Variants in RAD54B observed in about 807,000 individuals in gnomAD.
RAD54B encodes RAD54 homolog B, also known as DNA repair and recombination protein RAD54B.
In RAD54B, 78 loss-of-function variants were observed where a neutral mutation model predicts 95.8. The observed-to-expected ratio is 0.81, with a 90% CI of 0.68 to 0.98. The LOEUF is 0.98. RAD54B is among the 50% of genes least tolerant of loss of function. RAD54B has a pLI of 0.00. For missense variants in RAD54B, 957 were observed against 1,056.6 expected (o/e 0.91, Z 1.31); for synonymous variants, 328 against 354.9 (o/e 0.92, Z 0.85).
intron 5 of RAD54B, among the ~76,000 whole-genome samples, chr8:94,406,029 T>C (rs28728024): frequency 0.075 from 4,263 of 57,138 alleles, 196 homozygotes; most frequent in African/African-American, 0.16. Context: ...CACACACACA[T>C]ATATATAAAA....
At chr8:94,407,383 A>T in intron 5 of RAD54B, 56 bp downstream of exon 5, 1 of 1,502,376 alleles carries the variant, frequency 6.7e-7, no homozygotes, top group Non-Finnish European at 9.0e-7. Flanking sequence ...AAATTCACAC[A>T]CAAAAAACAT....
Position 94,432,323 on chromosome 8 carries a change from C to A in RAD54B, c.305-21008G>T, listed in dbSNP as rs945609856. On this transcript the variant is annotated intron_variant, in intron 3 of 14. Coordinates refer to ENST00000336148, the MANE Select transcript of RAD54B (RefSeq NM_012415.3). ...TCTGATGCTCCTCTTTCAACATTTG[C>A]AGGATCTGAGGATCATACCCTAATA... 9.0e-6 allele frequency: 14 copies of A among 1,550,178 alleles called. No homozygotes were observed. In the African/African-American group the frequency reaches 1.9e-4, roughly 21 times the overall value.
intron 14 of RAD54B, among the ~76,000 whole-genome samples, chr8:94,375,899 T>C (rs1184665652): frequency 6.6e-6 from 1 of 151,978 alleles, no homozygotes. Context: ...GGCTAGAAAT[T>C]AGGGAGATAA....
rs1358502949 is a variant in RAD54B, at chr8:94,428,229, C to T, written c.305-16914G>A. 4 of 885,604 alleles carry T rather than the reference C, an allele frequency of 4.5e-6. No individual in the cohort carries two copies. In the African/African-American group the frequency reaches 7.3e-5, roughly 16 times the overall value. 54.9% of individuals were successfully genotyped at this position (885,604 alleles called of 1,614,324 possible). On this transcript the variant is annotated intron_variant, in intron 3 of 14. Transcript: ENST00000336148. Reference sequence around the variant, plus strand: ...CAAATGTAGTATATTTCTACAGAATCAAGTCTACATTTAAAAAACAAAATC... The same window carrying T: ...CAAATGTAGTATATTTCTACAGAATTAAGTCTACATTTAAAAAACAAAATC...
At chr8:94,402,971 G>A (rs528768498) in intron 6 of RAD54B, among the ~76,000 whole-genome samples, 1 of 152,242 alleles carries the variant, frequency 6.6e-6, no homozygotes, top group African/African-American at 2.4e-5. Flanking sequence ...TGAGAGAGAA[G>A]AAATCAAAGA....
At chr8:94,397,617 C>T (rs1401742671) in intron 8 of RAD54B, among the ~76,000 whole-genome samples, 1 of 151,988 alleles carries the variant, frequency 6.6e-6, no homozygotes, top group East Asian at 1.9e-4. Flanking sequence ...TTGAGTATAT[C>T]AATAAAATTA....
chr8:94,440,201 TA>T (rs140489175), intron 3 of RAD54B, among the ~76,000 whole-genome samples: 85 of 147,524 alleles, frequency 5.8e-4, no homozygotes, highest in Non-Finnish European at 6.2e-4. Flanking sequence ...TAGGCAAGAT[TA>T]AAAAAAAAAA....
At position 94,407,466 on chromosome 8, in the gene RAD54B, T is replaced by C. The variant is rs1458819891; in HGVS notation, c.754A>G (p.Lys252Glu). The change falls in exon 5 of 15, where the codon AAA becomes GAA. Residue 252 changes from lysine to glutamate, a missense_variant. Transcript: ENST00000336148. ...GGCGTATATGGGTCATGGCGTGGTT[T>C]GCAATTTTGGAAATCATTCTGTCTA... The part of the protein sequence containing the change: ...ENRQNDFQNC[K>E]PRHDPYTPNS... 2.5e-6 allele frequency: 4 copies of C among 1,613,660 alleles called. No individual in the cohort carries two copies. Among genetic ancestry groups the C allele is most frequent in the Admixed American group, 1.7e-5 (1 of 59,992 alleles).
chr8:94,391,839 TAA>T lies in RAD54B; in HGVS notation c.1577_1578del (p.Phe526TyrfsTer3). Reference protein sequence around the residue: ...AAELTCLTGLFILRRTQEIIN... With the variant: ...AAELTCLTGLXILRRTQEIIN... ...ATAATTTCTTGGGTTCTTCTAAGGA[TAA>T]AGAGTCCAGTGAGGCAAGTAAGTTC... On this transcript the variant is annotated frameshift_variant, in exon 10 of 15. Coordinates refer to ENST00000336148, the MANE Select transcript of RAD54B (RefSeq NM_012415.3). LOFTEE classifies it high-confidence loss of function. 2 of 1,613,878 alleles carry T rather than the reference TAA, an allele frequency of 1.2e-6. No individual in the cohort carries two copies. Among genetic ancestry groups the T allele is most frequent in the Non-Finnish European group, 1.7e-6 (2 of 1,179,942 alleles).
rs2129973598 is a variant in RAD54B at position 94,387,064 on chromosome 8, C to T, written c.1905G>A (p.Leu635=). The T allele has an allele frequency of 6.2e-7, 1 of 1,613,354 alleles. No individual in the cohort carries two copies. The highest frequency in any genetic ancestry group is 1.7e-5 in the Admixed American group (1 of 59,946). The change falls in exon 11 of 15, where the codon CTG becomes CTA. Residue 635 remains leucine (L), a synonymous_variant. Coordinates refer to ENST00000336148, the MANE Select transcript of RAD54B (RefSeq NM_012415.3). ...SVFPADYNPL[L]FTEKESGKLQ... is the part of the protein sequence containing the mutation. ...GTTTTCCTGACTCCTTTTCAGTAAA[C>T]AGGAGAGGGTTGTAGTCAGCAGGAA...
At chr8:94,468,601 G>A (rs1460455233) in intron 1 of RAD54B, among the ~76,000 whole-genome samples, 5 of 151,886 alleles carry the variant, frequency 3.3e-5, no homozygotes, top group East Asian at 1.9e-4. Context: ...CGAGGCGGGC[G>A]GATCACGAGG....
intron 8 of RAD54B, among the ~76,000 whole-genome samples, chr8:94,398,713 G>C (rs1811200259): frequency 6.6e-6 from 1 of 151,896 alleles, no homozygotes; most frequent in African/African-American, 2.4e-5. Flanking sequence ...AAGTGGAAGG[G>C]CCATACAAGA....
At position 94,391,826 on chromosome 8, in the gene RAD54B, G is replaced by A. The variant is rs1180211377; in HGVS notation, c.1592C>T (p.Thr531Ile). ...GAGATATTTATTTATAATTTCTTGG[G>A]TTCTTCTAAGGATAAAGAGTCCAGT... The part of the protein sequence containing the change: ...CLTGLFILRR[T>I]QEIINKYLPP... The change falls in exon 10 of 15, where the codon ACC becomes ATC. Residue 531 changes from threonine (T) to isoleucine (I), a missense_variant. Transcript: ENST00000336148. 6.2e-7 allele frequency: 1 copy of A among 1,613,846 alleles called. No homozygotes were observed. The highest frequency in any genetic ancestry group is 1.1e-5 in the South Asian group (1 of 91,006).
At chr8:94,440,081 G>A (rs1812364554) in intron 3 of RAD54B, among the ~76,000 whole-genome samples, 1 of 151,970 alleles carries the variant, frequency 6.6e-6, no homozygotes, top group Admixed American at 6.6e-5. Flanking sequence ...TCCATGTTAT[G>A]CCAGAGTCAG....
intron 3 of RAD54B, among the ~76,000 whole-genome samples, chr8:94,440,737 A>T (rs1812378190): frequency 6.6e-6 from 1 of 152,160 alleles, no homozygotes; most frequent in South Asian, 2.1e-4. Context: ...AGTGGAGAGG[A>T]GCCGGGTATC....
At chr8:94,421,958 G>A (rs1041655417) in intron 3 of RAD54B, among the ~76,000 whole-genome samples, 4 of 152,172 alleles carry the variant, frequency 2.6e-5, no homozygotes, top group Admixed American at 2.6e-4. Context: ...TAAAATCCAT[G>A]AGTCCTAGTA....
chr8:94,472,067 T>C (rs1222554330), intron 1 of RAD54B, among the ~76,000 whole-genome samples: 2 of 152,134 alleles, frequency 1.3e-5, no homozygotes, highest in Non-Finnish European at 2.9e-5. Flanking sequence ...AACCAGCCTT[T>C]ATATAGTTTG....
At chr8:94,395,702 G>C (rs1214188202) in intron 8 of RAD54B, among the ~76,000 whole-genome samples, 1 of 152,110 alleles carries the variant, frequency 6.6e-6, no homozygotes, top group Non-Finnish European at 1.5e-5. Context: ...GGGCTTTGAG[G>C]AAAGTCCCTC....
At chr8:94,459,107 G>A (rs1051764952) in intron 2 of RAD54B, among the ~76,000 whole-genome samples, 1 of 151,646 alleles carries the variant, frequency 6.6e-6, no homozygotes, top group African/African-American at 2.4e-5. Flanking sequence ...ATATTTTTAG[G>A]TGAGATAATG....
Sources: gnomAD v4.1 joint callset for allele counts (sites outside exome capture counted in the v4.1 genomes callset) on GRCh38, gnomAD v4.1.1 for gene constraint, MANE v1.5 for transcripts, NCBI Gene and HGNC (gene_info 2026-07-23, HGNC 2026-07-21) for gene names.